The following APOB variants were observed in gnomAD, a reference collection of about 807,000 sequenced individuals.
The protein encoded by APOB is apolipoprotein B, also known as apolipoprotein B-100.
Under a neutral mutation model 314.1 loss-of-function variants are expected in APOB, and 153 were observed. The ratio of observed to expected loss-of-function variants is 0.49; its 90% CI spans 0.43 to 0.56. The LOEUF is 0.56. Ranked by LOEUF, APOB falls within the 20% of genes least tolerant of loss-of-function variation. The pLI is 0.00. For synonymous variants in APOB, 2,087 were observed against 2,036.4 expected (o/e 1.02, Z -0.67); for missense variants, 5,430 against 5,350.7 (o/e 1.01, Z -0.46).
intron 8 of APOB, among the ~76,000 whole-genome samples, chr2:21,034,199 G>A (rs1202116992): frequency 6.6e-6 from 1 of 152,130 alleles, no homozygotes; most frequent in Non-Finnish European, 1.5e-5. Flanking sequence ...ATTACAACCT[G>A]GCACTTATTT....
Position 21,040,995 on chromosome 2 carries a change from C to T in APOB, c.326G>A (p.Gly109Asp), listed in dbSNP as rs777191260. The change falls in exon 4 of 29, where the codon GGC (glycine) becomes GAC (aspartate). Residue 109 changes from glycine to aspartate, a missense_variant. This residue lies in a region of APOB where 2,085 missense variants were observed against 2,079.7 expected (regional missense o/e 1.00). Coordinates refer to ENST00000233242, the MANE Select transcript of APOB (RefSeq NM_000384.3). ...LKEVYGFNPE[G>D]KALLKKTKNS... ...CTTGGTTTTCTTCAGCAAGGCTTTG[C>T]CCTCAGGGTTGAAGCCATACACCTC... 4.3e-6 allele frequency: 7 copies of T among 1,613,928 alleles called. No individual in the cohort carries two copies. In the South Asian group the frequency reaches 4.4e-5, roughly 10 times the overall value.
chr2:21,025,654 G>A (rs1165852844), intron 15 of APOB, among the ~76,000 whole-genome samples: 1 of 152,208 alleles, frequency 6.6e-6, no homozygotes, highest in Non-Finnish European at 1.5e-5. Context: ...GCAGATCAAA[G>A]ATCCTCGGCC....
At position 21,010,000 on chromosome 2, in the gene APOB, C is replaced by T. The variant is rs139857448; in HGVS notation, c.6868G>A (p.Glu2290Lys). 11 of 1,613,740 alleles carry T rather than the reference C, an allele frequency of 6.8e-6. No homozygotes were observed. The African/African-American group carries it at 1.3e-4, about 20-fold the overall frequency. ...HLAGKLKQHI[E>K]AIDVRVLLDQ... ...AAAAGCACTCTAACATCAATAGCCTCAATGTGTTGTTTTAACTTTCCAGCT... is the reference window on the plus strand; with the variant it reads ...AAAAGCACTCTAACATCAATAGCCTTAATGTGTTGTTTTAACTTTCCAGCT... Residue 2290 changes from glutamate to lysine, a missense_variant, in exon 26 of 29, where the codon GAG becomes AAG. This residue lies in a region of APOB where 3,281 missense variants were observed against 3,171.0 expected (regional missense o/e 1.03). Coordinates refer to ENST00000233242, the MANE Select transcript of APOB (RefSeq NM_000384.3).
At chr2:21,038,793 G>C (rs185241758) in intron 4 of APOB, among the ~76,000 whole-genome samples, 1 of 152,346 alleles carries the variant, frequency 6.6e-6, no homozygotes, top group East Asian at 1.9e-4. Context: ...AGTGCAAACA[G>C]AGTCATACAA....
Position 21,005,130 on chromosome 2 carries a change from AG to A in APOB, c.11737del (p.Leu3913TrpfsTer12), listed in dbSNP as rs751929549. The A allele has an allele frequency of 6.2e-7, 1 of 1,614,062 alleles. No homozygotes were observed. The highest frequency in any genetic ancestry group is 1.1e-5 in the South Asian group (1 of 91,090). Reference protein sequence around the residue: ...KNKADYVETVLDSTCSSTVQF... With the variant: ...KNKADYVETVXDSTCSSTVQF... ...TACGGTTGAGCTGCATGTGGAATCCAGGACTGTTTCAACATAATCTGCTTTG... is the reference window on the plus strand; with the variant it reads ...TACGGTTGAGCTGCATGTGGAATCCAGACTGTTTCAACATAATCTGCTTTG... On this transcript the variant is annotated frameshift_variant, in exon 26 of 29. Transcript: ENST00000233242. LOFTEE classifies it high-confidence loss of function.
Position 21,010,472 on chromosome 2 carries a change from C to T in APOB, c.6396G>A (p.Glu2132=). The change falls in exon 26 of 29, where the codon GAG becomes GAA. Residue 2132 remains glutamate, a synonymous_variant. Transcript: ENST00000233242. The stretch of plus-strand genomic sequence containing the variant: ...TCTCCTTGGCATGTGAAACTTGTCT[C>T]TCCCAATTGAATGAATTCAGATAAT... The part of the protein sequence containing the change: ...ANDYLNSFNW[E]RQVSHAKEKL... The T allele has an allele frequency of 6.2e-7, 1 of 1,611,040 alleles. No individual in the cohort carries two copies. The highest frequency in any genetic ancestry group is 8.5e-7 in the Non-Finnish European group (1 of 1,177,728).
Position 21,044,035 on chromosome 2 carries a change from C to A in APOB, c.-90G>T. ...TGGGCGGGCTCCTCAGCGGCAGCAA[C>A]CGAGAAGGGCACTCAGCCCCGCAGG... On this transcript the variant is annotated 5_prime_UTR_variant, in exon 1 of 29. Transcript: ENST00000233242. 1 of 569,410 alleles carries A rather than the reference C, an allele frequency of 1.8e-6. No homozygotes were observed. Among genetic ancestry groups the A allele is most frequent in the Non-Finnish European group, 2.5e-6 (1 of 394,006 alleles). 35.3% of individuals were successfully genotyped at this position (569,410 alleles called of 1,614,324 possible).
At chr2:21,014,914 T>A (rs2854725) in intron 23 of APOB, among the ~76,000 whole-genome samples, 159 bp downstream of exon 23, 1 of 152,138 alleles carries the variant, frequency 6.6e-6, no homozygotes, top group Non-Finnish European at 1.5e-5. Context: ...ACTGGGTAAC[T>A]ACACACTTGT....
At chr2:21,019,961 T>C in intron 18 of APOB, 56 bp from the exon 19 acceptor site, 1 of 1,559,352 alleles carries the variant, frequency 6.4e-7, no homozygotes, top group Non-Finnish European at 8.8e-7. Flanking sequence ...AAAATGGACA[T>C]CACAAATTCT....
In APOB at chr2:21,003,615, T is replaced by C. The variant is rs187296678; in HGVS notation, c.12088-281A>G. Among the ~76,000 whole-genome samples the C allele has an allele frequency of 1.9e-4, 29 of 152,136 alleles. No homozygotes were observed. In the East Asian group the frequency reaches 4.4e-3, roughly 23 times the overall value. On this transcript the variant is annotated intron_variant, in intron 28 of 28. Transcript: ENST00000233242. ...CTTAAAATTAAAGCCTTCCTAGGAC[T>C]GAAAACTGGAAGAGGAGTGGGGGGA...
chr2:21,033,952 A>G (rs1056287569), intron 8 of APOB, among the ~76,000 whole-genome samples: 1 of 152,244 alleles, frequency 6.6e-6, no homozygotes, highest in African/African-American at 2.4e-5. Context: ...GTCTGAGTCT[A>G]TCATCAGGTT....
chr2:21,004,681 T>A lies in APOB; in HGVS notation c.11789-6A>T, dbSNP rs1375619433. 1.3e-6 allele frequency: 2 copies of A among 1,596,768 alleles called. No homozygotes were observed. Among genetic ancestry groups the A allele is most frequent in the Admixed American group, 3.3e-5 (2 of 59,936 alleles). On this transcript the variant is annotated splice_region_variant and splice_polypyrimidine_tract_variant and intron_variant, in intron 26 of 28. Transcript: ENST00000233242. ...GATTTTGTGTGTTCCCAAAACTGTA[T>A]AGGAGAGATTTTGTATTTTATTAGA... is the stretch of plus-strand genomic sequence containing the variant.
rs750537815 is a variant in APOB, at chr2:21,002,825, G to A, written c.12597C>T (p.Phe4199=). The A allele has an allele frequency of 4.3e-6, 7 of 1,612,096 alleles. No homozygotes were observed. The South Asian group carries it at 6.6e-5, about 15-fold the overall frequency. Residue 4199 remains phenylalanine, a synonymous_variant, in exon 29 of 29, where the codon TTC becomes TTT. Transcript: ENST00000233242. ...GTTTCCCCGGAAACTGGAATCTGGG[G>A]AAGTTCAGAAAATCAATGAGTGAGT... ...LIDSLIDFLN[F]PRFQFPGKPG...
At chr2:21,032,170 A>G (rs538406058) in intron 10 of APOB, among the ~76,000 whole-genome samples, 184 bp downstream of exon 10, 1 of 152,306 alleles carries the variant, frequency 6.6e-6, no homozygotes, top group East Asian at 1.9e-4. Context: ...TATTTTTAAA[A>G]ATTCAATTTG....
intron 10 of APOB, among the ~76,000 whole-genome samples, chr2:21,030,847 A>T (rs1209644765): frequency 1.3e-5 from 2 of 152,244 alleles, no homozygotes; most frequent in Non-Finnish European, 2.9e-5. Context: ...AGGCATATGA[A>T]AAAATGCATA....
intron 7 of APOB, 112 bp downstream of exon 7, chr2:21,035,472 C>G: frequency 7.1e-7 from 1 of 1,415,720 alleles, no homozygotes; most frequent in Non-Finnish European, 9.9e-7. Context: ...CATTTTATCC[C>G]TCTCCATTCC....
At chr2:21,021,887 G>A (rs1178987314) in intron 18 of APOB, among the ~76,000 whole-genome samples, 3 of 152,300 alleles carry the variant, frequency 2.0e-5, no homozygotes, top group African/African-American at 7.2e-5. Flanking sequence ...TAAAATGTAA[G>A]CGTTCAAAGG....
chr2:21,015,537 G>A lies in APOB; in HGVS notation c.3341C>T (p.Thr1114Ile), dbSNP rs754723900. The change falls in exon 22 of 29, where the codon ACA becomes ATA. Residue 1114 changes from threonine to isoleucine, a missense_variant. Thr to Ile is a moderately conservative substitution (Grantham distance 89). Coordinates refer to ENST00000233242, the MANE Select transcript of APOB (RefSeq NM_000384.3). ...VALMGHLSCD[T>I]KEERKIKGVI... ...ACCCTTGATTTTTCTTTCTTCCTTT[G>A]TGTCACAACTATGGTAAAGAAAATC... 4 of 1,612,738 alleles carry A rather than the reference G, an allele frequency of 2.5e-6. No individual in the cohort carries two copies. Among genetic ancestry groups the A allele is most frequent in the Non-Finnish European group, 1.7e-6 (2 of 1,179,986 alleles).
intron 15 of APOB, among the ~76,000 whole-genome samples, chr2:21,026,027 G>A (rs1238788298): frequency 2.0e-5 from 3 of 152,180 alleles, no homozygotes; most frequent in South Asian, 2.1e-4. Flanking sequence ...TTTAGAACTC[G>A]TAATAGTGTC....
Sources: gnomAD v4.1 joint callset for allele counts (sites outside exome capture counted in the v4.1 genomes callset) on GRCh38, gnomAD v4.1.1 for gene constraint, gnomAD v4.1.1 regional missense constraint, MANE v1.5 for transcripts, NCBI Gene and HGNC (gene_info 2026-07-23, HGNC 2026-07-21) for gene names.